SCML4: variants seen among roughly 807,000 people sequenced by gnomAD.
The protein encoded by SCML4 is sex comb on midleg-like protein 4.
In SCML4, 34 loss-of-function variants were observed where a neutral mutation model predicts 41.1. The observed-to-expected ratio is 0.83, with a 90% CI of 0.63 to 1.10. The LOEUF is 1.10. Among genes scored for constraint, SCML4 ranks in the 50% least tolerant of loss-of-function variants. The probability of loss-of-function intolerance (pLI) is 0.00; values close to 1 mark genes in which losing one functional copy is unlikely to be tolerated. For synonymous variants in SCML4, 214 were observed against 220.9 expected, an observed-to-expected ratio of 0.97 and a Z score of 0.28; for missense variants, 522 against 534.1, an observed-to-expected ratio of 0.98 and a Z score of 0.22.
chr6:107,746,556 C>T lies in SCML4; in HGVS notation c.487+133G>A, dbSNP rs141500512. On this transcript the variant is annotated intron_variant, in intron 4 of 7. Coordinates refer to ENST00000369020, the MANE Select transcript of SCML4 (RefSeq NM_198081.5). Reference sequence around the variant, plus strand: ...GAGAGAGGCTTTTAGCTCACAGGCTCATAAAGACCCTAGGAGCCCAGCAGA... The same window carrying T: ...GAGAGAGGCTTTTAGCTCACAGGCTTATAAAGACCCTAGGAGCCCAGCAGA... The T allele has an allele frequency of 2.1e-3, 1,574 of 733,114 alleles. 15 individuals carry two copies. In the African/African-American group the frequency reaches 0.024, roughly 11 times the overall value. The allele number at this position is 733,114 out of a possible 1,614,324, so 45.4% of individuals were successfully genotyped here. A position where few individuals can be genotyped will look rare whatever the true frequency, so the allele number is the denominator to read the frequency against.
chr6:107,843,954 A>G, the SCML4 span, among the ~76,000 whole-genome samples: 34 of 150,392 alleles, frequency 2.3e-4, no homozygotes, highest in African/African-American at 8.3e-4. Flanking sequence ...AGAGAGAGAG[A>G]AGCAAAACAA....
intron 2 of SCML4, among the ~76,000 whole-genome samples, chr6:107,768,327 T>C (rs1298526244): frequency 6.6e-6 from 1 of 152,100 alleles, no homozygotes. Context: ...AATTAGCTTC[T>C]TTCTTCTTTA....
At chr6:107,730,980 T>A (rs966706805) in intron 5 of SCML4, among the ~76,000 whole-genome samples, 1 of 152,088 alleles carries the variant, frequency 6.6e-6, no homozygotes, top group Non-Finnish European at 1.5e-5. Flanking sequence ...GGGGTGGAGA[T>A]AGGGTTAGGT....
chr6:107,824,558 A>C (rs1785177200), upstream of SCML4, among the ~76,000 whole-genome samples: 1 of 148,218 alleles, frequency 6.7e-6, no homozygotes, highest in African/African-American at 2.5e-5. Context: ...AGAAATGTGC[A>C]GTGTAGCTTT....
At chr6:107,837,591 C>T in the SCML4 span, among the ~76,000 whole-genome samples, 1 of 152,208 alleles carries the variant, frequency 6.6e-6, no homozygotes, top group African/African-American at 2.4e-5. Flanking sequence ...AACAGCCTAA[C>T]TGGTGGCCTG....
intron 6 of SCML4, among the ~76,000 whole-genome samples, chr6:107,717,590 C>T (rs1774965621): frequency 6.6e-6 from 1 of 152,118 alleles, no homozygotes; most frequent in African/African-American, 2.4e-5. Context: ...CTTTGTTGCC[C>T]AGGCTGGAGT....
chr6:107,707,134 C>G (rs1003024701), intron 7 of SCML4, among the ~76,000 whole-genome samples: 1 of 152,106 alleles, frequency 6.6e-6, no homozygotes, highest in Non-Finnish European at 1.5e-5. Context: ...AACCCAGTCT[C>G]TACTAAAAAT....
At chr6:107,740,178 A>C (rs1777454907) in intron 5 of SCML4, 3 of 470,648 alleles carry the variant, frequency 6.4e-6, no homozygotes, top group South Asian at 1.5e-5. Context: ...TGTTAAAAGG[A>C]AACCATTTTA....
At chr6:107,787,951 T>C (rs1387633055) in intron 1 of SCML4, among the ~76,000 whole-genome samples, 2 of 152,190 alleles carry the variant, frequency 1.3e-5, no homozygotes, top group Non-Finnish European at 2.9e-5. Flanking sequence ...TAATGACACA[T>C]AGCAACCCAA....
At chr6:107,772,476 C>T (rs991385619) in intron 1 of SCML4, 90 bp from the exon 2 acceptor site, 5 of 669,358 alleles carry the variant, frequency 7.5e-6, no homozygotes, top group Admixed American at 3.3e-5. Flanking sequence ...GTGATTTTGG[C>T]GATACCTACC....
intron 5 of SCML4, among the ~76,000 whole-genome samples, chr6:107,729,955 G>T (rs1237103431): frequency 6.6e-6 from 1 of 152,146 alleles, no homozygotes; most frequent in East Asian, 1.9e-4. Flanking sequence ...TTGCCTAAAA[G>T]TTCCTCCTTA....
intron 1 of SCML4, among the ~76,000 whole-genome samples, chr6:107,785,079 A>G (rs1275803463): frequency 6.6e-6 from 1 of 151,868 alleles, no homozygotes; most frequent in Non-Finnish European, 1.5e-5. Context: ...AGATCTCTCA[A>G]CTCCCTGTTA....
intron 7 of SCML4, among the ~76,000 whole-genome samples, chr6:107,706,631 G>A (rs1033762819): frequency 2.0e-5 from 3 of 152,198 alleles, no homozygotes; most frequent in Non-Finnish European, 2.9e-5. Flanking sequence ...TTGCAGATGG[G>A]ATTAAGCTTG....
chr6:107,815,050 T>C (rs186924809), intron 1 of SCML4, among the ~76,000 whole-genome samples: 11 of 152,332 alleles, frequency 7.2e-5, no homozygotes, highest in African/African-American at 2.6e-4. Flanking sequence ...GGGCTCTGCA[T>C]AGTGATCATG....
intron 1 of SCML4, among the ~76,000 whole-genome samples, chr6:107,802,869 G>T (rs915279798): frequency 5.9e-5 from 9 of 151,800 alleles, no homozygotes; most frequent in Non-Finnish European, 1.0e-4. Context: ...TCAGCCTGCC[G>T]AGTGCCTGCG....
chr6:107,707,987 T>G lies in SCML4; in HGVS notation c.998A>C (p.Gln333Pro), dbSNP rs931097635. The G allele has an allele frequency of 6.4e-7, 1 of 1,551,214 alleles. No homozygotes were observed. Among genetic ancestry groups the G allele is most frequent in the East Asian group, 2.4e-5 (1 of 40,878 alleles). Residue 333 changes from glutamine to proline, a missense_variant, in exon 7 of 8, where the codon CAG (glutamine) becomes CCG (proline). By Grantham distance (76) the Gln-to-Pro change is moderately conservative. Coordinates refer to ENST00000369020, the MANE Select transcript of SCML4 (RefSeq NM_198081.5). ...RCASSPSQDA[Q>P]DARRPRSRNP... ...CCTGCTCCGTGGCCGCCTGGCATCC[T>G]GCGCATCCTGAGAAGGGCTTGAGGC...
At chr6:107,726,390 G>T (rs12201581) in intron 5 of SCML4, among the ~76,000 whole-genome samples, 4 of 151,528 alleles carry the variant, frequency 2.6e-5, no homozygotes, top group African/African-American at 9.7e-5. Context: ...AAAATTAGCC[G>T]GGCATGGTGG....
intron 6 of SCML4, among the ~76,000 whole-genome samples, chr6:107,713,767 C>T (rs967835442): frequency 1.3e-5 from 2 of 152,032 alleles, no homozygotes; most frequent in Non-Finnish European, 2.9e-5. Flanking sequence ...TTGGGAGGAC[C>T]GGGGCTGGCA....
At chr6:107,715,467 G>A (rs1013417934) in intron 6 of SCML4, among the ~76,000 whole-genome samples, 4 of 151,444 alleles carry the variant, frequency 2.6e-5, no homozygotes, top group Admixed American at 6.6e-5. Context: ...GATTGACTTC[G>A]TTTCTTGATT....
Sources: gnomAD v4.1 joint callset for allele counts (sites outside exome capture counted in the v4.1 genomes callset) on GRCh38, gnomAD v4.1.1 for gene constraint, MANE v1.5 for transcripts, NCBI Gene and HGNC (gene_info 2026-07-23, HGNC 2026-07-21) for gene names.